Variants in DNAH14 observed in about 807,000 individuals in gnomAD.
The protein encoded by DNAH14 is axonemal beta dynein heavy chain 14.
DNAH14 carries 478 observed loss-of-function variants against 520.9 expected under a neutral mutation model. That is an observed-to-expected ratio of 0.92 (90% confidence interval 0.85 to 0.99). DNAH14 has a LOEUF of 0.99. Among genes scored for constraint, DNAH14 ranks in the 50% least tolerant of loss-of-function variants. The pLI, the probability that DNAH14 is intolerant of heterozygous loss-of-function variation, is 0.00. For missense variants in DNAH14, 4,831 were observed against 5,234.5 expected (o/e 0.92, Z 2.38); for synonymous variants, 1,581 against 1,757.2 (o/e 0.90, Z 2.51).
chr1:225,343,354 C>G (rs1293114932), intron 69 of DNAH14, among the ~76,000 whole-genome samples: 1 of 152,090 alleles, frequency 6.6e-6, no homozygotes, highest in African/African-American at 2.4e-5. Context: ...TAAGACCTTA[C>G]GAGACTTTAC....
chr1:225,162,240 C>T (rs1033394629), intron 35 of DNAH14, among the ~76,000 whole-genome samples: 4 of 152,098 alleles, frequency 2.6e-5, no homozygotes, highest in Admixed American at 2.0e-4. Flanking sequence ...ATCCAGTTTT[C>T]CCAGCACCAT....
At chr1:225,102,145 G>A (rs970623540) in intron 23 of DNAH14, among the ~76,000 whole-genome samples, 1 of 149,818 alleles carries the variant, frequency 6.7e-6, no homozygotes, top group African/African-American at 2.5e-5. Context: ...GCGGTGTTTG[G>A]TTTTTTCTCC....
chr1:225,119,227 C>T lies in DNAH14; in HGVS notation c.4099C>T (p.Arg1367Cys), dbSNP rs749639957. The change falls in exon 26 of 86, where the codon CGT (arginine) becomes TGT (cysteine). Residue 1367 changes from arginine (R) to cysteine (C), a missense_variant. Transcript: ENST00000682510. ...GEGLVLPKKI[R>C]VRSAVEQWLV... ...TTTTGAAACTAATTTTAGGAAAATTCGTGTAAGAAGTGCTGTAGAACAGTG... is the reference window on the plus strand; with the variant it reads ...TTTTGAAACTAATTTTAGGAAAATTTGTGTAAGAAGTGCTGTAGAACAGTG... The T allele has an allele frequency of 1.7e-5, 25 of 1,512,522 alleles. No homozygotes were observed. In the East Asian group the frequency reaches 3.0e-4, roughly 18 times the overall value. The allele number at this position is 1,512,522 out of a possible 1,614,324, so 93.7% of individuals were successfully genotyped here. A position where few individuals can be genotyped will look rare whatever the true frequency, so the allele number is the denominator to read the frequency against.
chr1:225,024,006 T>G, intron 11 of DNAH14, 141 bp downstream of exon 11: 1 of 1,380,362 alleles, frequency 7.2e-7, no homozygotes, highest in Non-Finnish European at 9.3e-7. Flanking sequence ...ATTTTTGCTA[T>G]TAACAGAACT....
rs566050471 is a variant in DNAH14, at chr1:225,058,524, A to G, written c.2424+6729A>G. On this transcript the variant is annotated intron_variant, in intron 17 of 85. Transcript: ENST00000682510. ...TTTTTGAAGGGTGTTTTGTGTCTCT[A>G]TGTCCTTCATTTCTGCTCTGATCTA... Among the ~76,000 whole-genome samples the G allele has an allele frequency of 1.8e-3, 278 of 152,200 alleles. 2 individuals carry two copies. The highest frequency in any genetic ancestry group is 2.9e-3 in the Non-Finnish European group (195 of 68,008).
chr1:225,240,881 T>C (rs2091924635), intron 43 of DNAH14, 59 bp downstream of exon 43: 2 of 1,223,812 alleles, frequency 1.6e-6, no homozygotes, highest in Non-Finnish European at 2.3e-6. Flanking sequence ...TTTAAAGCAA[T>C]GCTTGGCTTA....
intron 37 of DNAH14, among the ~76,000 whole-genome samples, chr1:225,192,415 G>T (rs1331259129): frequency 6.6e-6 from 1 of 152,020 alleles, no homozygotes; most frequent in Non-Finnish European, 1.5e-5. Flanking sequence ...CACATTACAT[G>T]CCAGTTTATA....
intron 41 of DNAH14, among the ~76,000 whole-genome samples, chr1:225,228,749 G>A (rs1271628113): frequency 6.6e-6 from 1 of 152,164 alleles, no homozygotes; most frequent in Non-Finnish European, 1.5e-5. Context: ...GCATGCGTCT[G>A]TACTCTTCAA....
At chr1:225,020,311 A>T (rs2065563869) in intron 10 of DNAH14, among the ~76,000 whole-genome samples, 1 of 151,908 alleles carries the variant, frequency 6.6e-6, no homozygotes, top group South Asian at 2.1e-4. Flanking sequence ...AGCCTGGCCA[A>T]CATGGTGAAA....
chr1:225,115,587 A>T (rs559090442), intron 23 of DNAH14, among the ~76,000 whole-genome samples: 1 of 152,316 alleles, frequency 6.6e-6, no homozygotes, highest in South Asian at 2.1e-4. Flanking sequence ...CACAGCCTAT[A>T]CAAAATTATC....
chr1:225,017,171 A>G (rs977730523), intron 10 of DNAH14, among the ~76,000 whole-genome samples: 6 of 152,162 alleles, frequency 3.9e-5, no homozygotes, highest in Admixed American at 2.6e-4. Context: ...GAACACACAG[A>G]TATTTATTAG....
At chr1:225,065,814 T>C (rs1426369480) in intron 17 of DNAH14, among the ~76,000 whole-genome samples, 1 of 152,122 alleles carries the variant, frequency 6.6e-6, no homozygotes, top group Non-Finnish European at 1.5e-5. Flanking sequence ...TGAATAGTGC[T>C]AAAAGGAACA....
Position 225,331,476 on chromosome 1 carries a change from G to A in DNAH14, c.9763G>A (p.Asp3255Asn), listed in dbSNP as rs377611333. 123 of 1,551,494 alleles carry A rather than the reference G, an allele frequency of 7.9e-5. No homozygotes were observed. In the African/African-American group the frequency reaches 1.2e-3, roughly 16 times the overall value. Residue 3255 changes from aspartate (D) to asparagine (N), a missense_variant, in exon 65 of 86, where the codon GAT (aspartate) becomes AAT (asparagine). Transcript: ENST00000682510. ...GCTGTTTTTACAGGCAGCTTACAAA[G>A]ATACCGTTGCTGAAAAACAACTATT... ...HLLFLQAAYK[D>N]TVAEKQLLAN...
At chr1:225,110,597 A>C in intron 23 of DNAH14, among the ~76,000 whole-genome samples, 1 of 146,570 alleles carries the variant, frequency 6.8e-6, no homozygotes, top group East Asian at 2.0e-4. Context: ...AAGGTTTGTC[A>C]GTTTTCTTTA....
In DNAH14 at chr1:225,351,718, G is replaced by A; in HGVS notation, c.11368G>A (p.Val3790Ile). Residue 3790 changes from valine (V) to isoleucine (I), a missense_variant, in exon 72 of 86, where the codon GTC (valine) becomes ATC (isoleucine). Transcript: ENST00000682510. ...SDSRWRQCQY[V>I]STHLEPFSLL... ...TTCCAGGTGGAGGCAGTGCCAATATGTCAGCACTCACCTGGAACCATTTTC... is the reference window on the plus strand; with the variant it reads ...TTCCAGGTGGAGGCAGTGCCAATATATCAGCACTCACCTGGAACCATTTTC... 1 of 1,551,252 alleles carries A rather than the reference G, an allele frequency of 6.4e-7. No individual in the cohort carries two copies. The highest frequency in any genetic ancestry group is 8.7e-7 in the Non-Finnish European group (1 of 1,146,746).
intron 46 of DNAH14, among the ~76,000 whole-genome samples, chr1:225,260,517 A>G (rs981232439): frequency 6.6e-6 from 1 of 152,018 alleles, no homozygotes; most frequent in Admixed American, 6.6e-5. Context: ...TCATTGGTCT[A>G]TATGTTGGTT....
intron 10 of DNAH14, among the ~76,000 whole-genome samples, chr1:225,008,022 C>G (rs187350135): frequency 3.3e-5 from 5 of 151,508 alleles, no homozygotes; most frequent in Non-Finnish European, 7.4e-5. Context: ...TTTGCTGCAC[C>G]CATCAACCCA....
intron 43 of DNAH14, 43 bp downstream of exon 43, chr1:225,240,865 T>C (rs1275961890): frequency 7.5e-7 from 1 of 1,337,326 alleles, no homozygotes; most frequent in East Asian, 2.5e-5. Flanking sequence ...TATTTTAAAA[T>C]ATTAATTTAA....
intron 48 of DNAH14, among the ~76,000 whole-genome samples, chr1:225,265,652 A>G (rs2093086259): frequency 6.6e-6 from 1 of 152,164 alleles, no homozygotes; most frequent in Non-Finnish European, 1.5e-5. Flanking sequence ...CTGTTTTGTT[A>G]CTGTATATTC....
Sources: allele counts gnomAD v4.1 joint callset (sites outside exome capture counted in the v4.1 genomes callset), GRCh38; gene constraint gnomAD v4.1.1; transcripts MANE v1.5; gene names NCBI Gene and HGNC (gene_info 2026-07-23, HGNC 2026-07-21).